The following PRPSAP1 variants were observed in gnomAD, a reference collection of about 807,000 sequenced individuals.
PRPSAP1 encodes the protein phosphoribosyl pyrophosphate synthase-associated protein 1.
In PRPSAP1, 31 loss-of-function variants were observed where a neutral mutation model predicts 39.4. The ratio of observed to expected loss-of-function variants is 0.79; its 90% CI spans 0.59 to 1.06. The LOEUF is 1.06. Among genes scored for constraint, PRPSAP1 ranks in the 50% least tolerant of loss-of-function variants. The pLI is 0.00. For synonymous variants in PRPSAP1, 212 were observed against 192.6 expected (o/e 1.10, Z -0.83); for missense variants, 430 against 511.6 (o/e 0.84, Z 1.54).
chr17:76,345,421 C>T (rs1418954709), intron 2 of PRPSAP1, among the ~76,000 whole-genome samples: 11 of 151,460 alleles, frequency 7.3e-5, no homozygotes, highest in Admixed American at 2.0e-4. Flanking sequence ...GAGCCGTGAT[C>T]GCGCCACTGC....
intron 1 of PRPSAP1, 75 bp from the exon 2 acceptor site, chr17:76,348,656 T>A (rs1323120340): frequency 9.9e-6 from 11 of 1,110,400 alleles, no homozygotes; most frequent in Non-Finnish European, 1.3e-5. Context: ...TATGCATATG[T>A]CTAATAAAAA....
chr17:76,334,664 G>A (rs2071360372), intron 3 of PRPSAP1, among the ~76,000 whole-genome samples: 1 of 151,986 alleles, frequency 6.6e-6, no homozygotes, highest in Non-Finnish European at 1.5e-5. Flanking sequence ...TCTCCCTGAG[G>A]AGACTGATGC....
At position 76,322,976 on chromosome 17, in the gene PRPSAP1, G is replaced by C. The variant is rs145998624; in HGVS notation, c.781+5741C>G. Among the ~76,000 whole-genome samples the C allele has an allele frequency of 9.6e-3, 1,460 of 151,778 alleles. 17 individuals carry two copies. The highest frequency in any genetic ancestry group is 0.038 in the Middle Eastern group (11 of 292). ...ACCACTGCACTGCAGGTCTGGGTGA[G>C]AGAGGGAGATCCTGTCACTGTACTC... On this transcript the variant is annotated intron_variant, in intron 7 of 9. Coordinates refer to ENST00000446526, the MANE Select transcript of PRPSAP1 (RefSeq NM_002766.3).
rs2071613236 is a variant in PRPSAP1 at position 76,353,882 on chromosome 17, G to A, written c.-179C>T. 16 of 1,326,980 alleles carry A rather than the reference G, an allele frequency of 1.2e-5. No individual in the cohort carries two copies. The highest frequency in any genetic ancestry group is 1.5e-5 in the Non-Finnish European group (16 of 1,043,608). The allele number at this position is 1,326,980 out of a possible 1,614,324, so 82.2% of individuals were successfully genotyped here. A position where few individuals can be genotyped will look rare whatever the true frequency, so the allele number is the denominator to read the frequency against. On this transcript the variant is annotated 5_prime_UTR_variant, in exon 1 of 10. Coordinates refer to ENST00000446526, the MANE Select transcript of PRPSAP1 (RefSeq NM_002766.3). ...CACTGACTACAGCGGCCGAGCCTTC[G>A]CAGCGCCCGGCGCCGCCGCCTCAGA... is the stretch of plus-strand genomic sequence containing the variant.
intron 3 of PRPSAP1, among the ~76,000 whole-genome samples, chr17:76,341,024 A>G (rs758448644): frequency 4.0e-4 from 61 of 152,014 alleles, no homozygotes; most frequent in Middle Eastern, 3.4e-3. Flanking sequence ...TGAGAAGGTT[A>G]TAACGTCTTA....
Position 76,332,303 on chromosome 17 carries a change from G to T in PRPSAP1, c.423C>A (p.Ser141=), listed in dbSNP as rs1240242812. The T allele has an allele frequency of 1.2e-6, 2 of 1,614,118 alleles. No individual in the cohort carries two copies. The highest frequency in any genetic ancestry group is 1.7e-6 in the Non-Finnish European group (2 of 1,180,040). The change falls in exon 4 of 10, where the codon TCC becomes TCA. Residue 141 remains serine, a synonymous_variant. Coordinates refer to ENST00000446526, the MANE Select transcript of PRPSAP1 (RefSeq NM_002766.3). ...TGGATGCTAGCAGCTTGCACACAAT[G>T]GAACCCCTCTTCCTCATCTTGCTCT... ...SKQSKMRKRG[S]IVCKLLASML...
intron 3 of PRPSAP1, among the ~76,000 whole-genome samples, chr17:76,340,145 CA>C (rs71161288): frequency 0.013 from 1,039 of 77,782 alleles, 7 homozygotes; most frequent in East Asian, 0.028. Context: ...GGCCTTGTCT[CA>C]AAAAAAAAAA....
rs185627420 is a variant in PRPSAP1 at position 76,318,345 on chromosome 17, G to A, written c.782-4454C>T. ...AGCACCTGTAATCCCAGCTACTCGG[G>A]AGGCTGAGGCAGGAGAATCGCTTGA... On this transcript the variant is annotated intron_variant, in intron 7 of 9. Coordinates refer to ENST00000446526, the MANE Select transcript of PRPSAP1 (RefSeq NM_002766.3). Among the ~76,000 whole-genome samples, 488 of 152,280 alleles carry A rather than the reference G, an allele frequency of 3.2e-3. 2 individuals carry two copies. Among genetic ancestry groups the A allele is most frequent in the Non-Finnish European group, 5.6e-3 (378 of 68,028 alleles).
Position 76,330,082 on chromosome 17 carries a change from T to C in PRPSAP1, c.596A>G (p.Asn199Ser). 1 of 1,613,430 alleles carries C rather than the reference T, an allele frequency of 6.2e-7. No homozygotes were observed. Among genetic ancestry groups the C allele is most frequent in the Non-Finnish European group, 8.5e-7 (1 of 1,179,354 alleles). The change falls in exon 6 of 10, where the codon AAT becomes AGT. Residue 199 changes from asparagine (N) to serine (S), a missense_variant. This residue lies in a region of PRPSAP1 where 278 missense variants were observed against 376.3 expected (regional missense o/e 0.74). Transcript: ENST00000446526. Reference protein sequence around the residue: ...YIQEEIPNYRNAVIVAKSPDA... With the variant: ...YIQEEIPNYRSAVIVAKSPDA... ...AGGAGACTTAGCTACAATGACTGCA[T>C]TTCTGTAATTTGGAATCTAGATTTG...
chr17:76,333,875 C>CA (rs397710102), intron 3 of PRPSAP1, among the ~76,000 whole-genome samples: 187 of 151,732 alleles, frequency 1.2e-3, no homozygotes, highest in Middle Eastern at 3.4e-3. Context: ...TTCATTCATT[C>CA]TTTCTTTCAC....
chr17:76,327,621 C>T (rs2071268308), intron 7 of PRPSAP1, among the ~76,000 whole-genome samples: 1 of 152,140 alleles, frequency 6.6e-6, no homozygotes, highest in Non-Finnish European at 1.5e-5. Flanking sequence ...CCACTGCACT[C>T]CAGCCTGGCG....
At chr17:76,341,595 A>G (rs2071439656) in intron 3 of PRPSAP1, among the ~76,000 whole-genome samples, 1 of 152,126 alleles carries the variant, frequency 6.6e-6, no homozygotes, top group South Asian at 2.1e-4. Flanking sequence ...CGTTATCACA[A>G]ATTCAATTAG....
chr17:76,313,161 G>T, intron 8 of PRPSAP1, 145 bp from the exon 9 acceptor site: 1 of 1,084,248 alleles, frequency 9.2e-7, no homozygotes, highest in Non-Finnish European at 1.3e-6. Flanking sequence ...GTCAAAGAAC[G>T]AGCATCCAGA....
intron 8 of PRPSAP1, 187 bp from the exon 9 acceptor site, chr17:76,313,203 T>A (rs56003458): frequency 0.052 from 32,878 of 629,514 alleles, 2,225 homozygotes; most frequent in African/African-American, 0.26. Context: ...CAGTACCTTG[T>A]GTGTCTGTCA....
chr17:76,353,666 G>A lies in PRPSAP1; in HGVS notation c.38C>T (p.Ala13Val), dbSNP rs369969047. The change falls in exon 1 of 10, where the codon GCG (alanine) becomes GTG (valine). Residue 13 changes from alanine (A) to valine (V), a missense_variant. Transcript: ENST00000446526. ...GCGCGGGACGCGGAAAGCCGAGGACGCGGAGGGCGGGGGCAACAGCAGCAG... is the reference window on the plus strand; with the variant it reads ...GCGCGGGACGCGGAAAGCCGAGGACACGGAGGGCGGGGGCAACAGCAGCAG... The part of the protein sequence containing the change: ...KKLLLLPPPS[A>V]SSAFRVPRAR... 1.1e-5 allele frequency: 16 copies of A among 1,523,654 alleles called. No homozygotes were observed. Among genetic ancestry groups the A allele is most frequent in the African/African-American group, 1.0e-4 (7 of 69,718 alleles). The allele number at this position is 1,523,654 out of a possible 1,614,324, so 94.4% of individuals were successfully genotyped here.
Position 76,330,649 on chromosome 17 carries a change from T to C in PRPSAP1, c.481A>G (p.Thr161Ala). ...LAKAGLTHIITMDLHQKEIQG... is the reference protein window; with the variant it reads ...LAKAGLTHIIAMDLHQKEIQG... Reference sequence around the variant, plus strand: ...ATTTCCTTTTGATGAAGATCCATAGTGATAATGTGAGTTAAACCTGAAATT... The same window carrying C: ...ATTTCCTTTTGATGAAGATCCATAGCGATAATGTGAGTTAAACCTGAAATT... The change falls in exon 5 of 10, where the codon ACT becomes GCT. Residue 161 changes from threonine (T) to alanine (A), a missense_variant. Thr to Ala is a moderately conservative substitution (Grantham distance 58). Coordinates refer to ENST00000446526, the MANE Select transcript of PRPSAP1 (RefSeq NM_002766.3). 2 of 1,610,386 alleles carry C rather than the reference T, an allele frequency of 1.2e-6. No homozygotes were observed. Among genetic ancestry groups the C allele is most frequent in the Non-Finnish European group, 1.7e-6 (2 of 1,177,702 alleles).
At chr17:76,325,061 T>A (rs1348636123) in intron 7 of PRPSAP1, among the ~76,000 whole-genome samples, 3 of 113,884 alleles carry the variant, frequency 2.6e-5, no homozygotes, top group Admixed American at 9.7e-5. Flanking sequence ...GAGAGACTCG[T>A]CTCAAAACAA....
intron 3 of PRPSAP1, among the ~76,000 whole-genome samples, chr17:76,339,147 A>G (rs1446708841): frequency 5.9e-5 from 9 of 151,346 alleles, no homozygotes; most frequent in African/African-American, 2.2e-4. Flanking sequence ...GCTCACGTCT[A>G]TAATCTCAGC....
chr17:76,320,589 T>A lies in PRPSAP1; in HGVS notation c.782-6698A>T, dbSNP rs549518685. Among the ~76,000 whole-genome samples the A allele has an allele frequency of 2.3e-5, 3 of 130,030 alleles. No homozygotes were observed. The East Asian group carries it at 6.4e-4, about 28-fold the overall frequency. The allele number at this position is 130,030 out of a possible 152,430, so 85.3% of individuals were successfully genotyped here. On this transcript the variant is annotated intron_variant, in intron 7 of 9. Transcript: ENST00000446526. ...ACAGGCACACACCACCACGTCCAGC[T>A]AATTTTTTTTTTTTTTTGTATTTCT... is the stretch of plus-strand genomic sequence containing the variant.
Sources: allele counts gnomAD v4.1 joint callset (sites outside exome capture counted in the v4.1 genomes callset), GRCh38; gene constraint gnomAD v4.1.1; regional missense constraint gnomAD v4.1.1; transcripts MANE v1.5; gene names NCBI Gene and HGNC (gene_info 2026-07-23, HGNC 2026-07-21).